TBC1D5: variants seen among roughly 807,000 people sequenced by gnomAD.
TBC1D5 encodes the protein TBC1 domain family, member 5.
In TBC1D5, 75 loss-of-function variants were observed where a neutral mutation model predicts 100.3. That is an observed-to-expected ratio of 0.75 (90% CI 0.62 to 0.91). TBC1D5 has a LOEUF of 0.91. Ranked by LOEUF, TBC1D5 falls within the 40% of genes least tolerant of loss-of-function variation. The pLI, the probability that TBC1D5 is intolerant of heterozygous loss-of-function variation, is 0.00. For synonymous variants in TBC1D5, 323 were observed against 325.6 expected, an observed-to-expected ratio of 0.99 and a Z score of 0.09; for missense variants, 910 against 942.4, an observed-to-expected ratio of 0.97 and a Z score of 0.45.
intron 1 of TBC1D5, among the ~76,000 whole-genome samples, chr3:17,687,772 C>T (rs1455039155): frequency 6.6e-6 from 1 of 152,198 alleles, no homozygotes; most frequent in African/African-American, 2.4e-5. Flanking sequence ...CAATATTCCA[C>T]CTTATATCTT....
chr3:17,593,359 T>C (rs1005224493), intron 2 of TBC1D5, among the ~76,000 whole-genome samples: 17 of 152,092 alleles, frequency 1.1e-4, no homozygotes, highest in Non-Finnish European at 2.2e-4. Flanking sequence ...ACGGGCTCAA[T>C]AACATGGACT....
chr3:17,446,685 C>T (rs937403391), intron 3 of TBC1D5, among the ~76,000 whole-genome samples: 1 of 152,134 alleles, frequency 6.6e-6, no homozygotes, highest in Non-Finnish European at 1.5e-5. Context: ...TTAAAGACCA[C>T]ATTGGGCCGG....
intron 14 of TBC1D5, among the ~76,000 whole-genome samples, chr3:17,303,633 A>G (rs76644154): frequency 0.021 from 3,159 of 152,260 alleles, 44 homozygotes; most frequent in Non-Finnish European, 0.033. Context: ...TCGGACCACA[A>G]CTTTGTATGC....
At chr3:17,174,823 A>G (rs956644992) in intron 19 of TBC1D5, among the ~76,000 whole-genome samples, 1 of 152,032 alleles carries the variant, frequency 6.6e-6, no homozygotes, top group Non-Finnish European at 1.5e-5. Context: ...CGAACTCCTG[A>G]CCTTGTGATC....
intron 2 of TBC1D5, among the ~76,000 whole-genome samples, chr3:17,531,083 C>A (rs1337622448): frequency 1.3e-5 from 2 of 152,154 alleles, no homozygotes; most frequent in East Asian, 1.9e-4. Context: ...ATCTAGAAAA[C>A]CCCATCATCT....
chr3:17,232,842 T>C (rs1340435028), intron 17 of TBC1D5, among the ~76,000 whole-genome samples: 2 of 152,170 alleles, frequency 1.3e-5, no homozygotes, highest in Non-Finnish European at 2.9e-5. Context: ...AGCATCACTA[T>C]ATTATGTGGT....
At chr3:17,546,025 T>A (rs1179532479) in intron 2 of TBC1D5, among the ~76,000 whole-genome samples, 1 of 152,112 alleles carries the variant, frequency 6.6e-6, no homozygotes, top group African/African-American at 2.4e-5. Context: ...GAAATGTCTT[T>A]AAAAAAATTA....
chr3:17,292,189 T>G (rs1260336422), intron 14 of TBC1D5, among the ~76,000 whole-genome samples, 188 bp from the exon 15 acceptor site: 1 of 152,224 alleles, frequency 6.6e-6, no homozygotes, highest in Non-Finnish European at 1.5e-5. Context: ...TATTGTTAAC[T>G]GCTATCTAAT....
intron 1 of TBC1D5, among the ~76,000 whole-genome samples, chr3:17,642,912 T>C (rs1477423858): frequency 6.6e-6 from 1 of 152,112 alleles, no homozygotes; most frequent in African/African-American, 2.4e-5. Context: ...CCACATAACC[T>C]TCAATTAGGT....
intron 2 of TBC1D5, among the ~76,000 whole-genome samples, chr3:17,576,989 T>G (rs2096661226): frequency 6.6e-6 from 1 of 152,046 alleles, no homozygotes; most frequent in Non-Finnish European, 1.5e-5. Context: ...TGAACAAATT[T>G]TCATTTGAAA....
intron 13 of TBC1D5, among the ~76,000 whole-genome samples, chr3:17,328,595 C>T (rs530109888): frequency 1.1e-4 from 17 of 152,262 alleles, no homozygotes; most frequent in South Asian, 2.1e-4. Context: ...CCTTATGTCA[C>T]GATGCCACTC....
intron 3 of TBC1D5, among the ~76,000 whole-genome samples, chr3:17,489,612 G>A (rs2095613165): frequency 6.6e-6 from 1 of 152,100 alleles, no homozygotes; most frequent in Non-Finnish European, 1.5e-5. Context: ...ATTTGCTGAG[G>A]ATAATGGCTC....
chr3:17,466,663 C>CT (rs962950847), intron 3 of TBC1D5, among the ~76,000 whole-genome samples: 11 of 151,332 alleles, frequency 7.3e-5, no homozygotes, highest in African/African-American at 1.7e-4. Context: ...TTTAAGGATT[C>CT]TTTTTTTTTC....
chr3:17,255,452 G>C (rs1051416197), intron 16 of TBC1D5, among the ~76,000 whole-genome samples: 1 of 151,870 alleles, frequency 6.6e-6, no homozygotes, highest in African/African-American at 2.4e-5. Context: ...TGCCCTCCTG[G>C]GCCTCCCAAA....
chr3:17,214,108 A>C (rs1261813429), intron 18 of TBC1D5, 99 bp downstream of exon 19: 1 of 1,249,528 alleles, frequency 8.0e-7, no homozygotes, highest in Non-Finnish European at 1.1e-6. Context: ...TAAAAGTTTT[A>C]AGAGCTTTAT....
At chr3:17,642,970 C>T (rs2064669699) in intron 1 of TBC1D5, among the ~76,000 whole-genome samples, 1 of 152,054 alleles carries the variant, frequency 6.6e-6, no homozygotes, top group Non-Finnish European at 1.5e-5. Flanking sequence ...TTATTAAAAT[C>T]ATAAAATTAA....
At chr3:17,437,716 G>A (rs796493365) in intron 3 of TBC1D5, among the ~76,000 whole-genome samples, 22 of 151,526 alleles carry the variant, frequency 1.5e-4, no homozygotes, top group African/African-American at 5.3e-4. Context: ...AGCGGGGGAA[G>A]TGAAGGCAGA....
chr3:17,387,294 T>C (rs901474166), intron 8 of TBC1D5, among the ~76,000 whole-genome samples: 3 of 152,118 alleles, frequency 2.0e-5, no homozygotes, highest in Non-Finnish European at 4.4e-5. Flanking sequence ...AGAGAAATAA[T>C]ACCTGTGCCA....
intron 1 of TBC1D5, among the ~76,000 whole-genome samples, chr3:17,670,509 C>T (rs2067818899): frequency 6.6e-6 from 1 of 152,162 alleles, no homozygotes; most frequent in Non-Finnish European, 1.5e-5. Flanking sequence ...GGGGATCTCA[C>T]TACCTTTTAG....
Sources: allele counts gnomAD v4.1 joint callset (sites outside exome capture counted in the v4.1 genomes callset), GRCh38; gene constraint gnomAD v4.1.1; transcripts MANE v1.5; gene names NCBI Gene and HGNC (gene_info 2026-07-23, HGNC 2026-07-21).